Variants in SYNE1 observed in about 807,000 individuals in gnomAD.
The protein encoded by SYNE1 is nesprin-1.
A neutral mutation model predicts 1,111.0 loss-of-function variants in SYNE1; 616 were observed. The ratio of observed to expected loss-of-function variants is 0.55; its 90% CI spans 0.52 to 0.59. The LOEUF is 0.59. Ranked by LOEUF, SYNE1 falls within the 20% of genes least tolerant of loss-of-function variation. The pLI is 0.00. For synonymous variants in SYNE1, 3,855 were observed against 3,825.8 expected, an observed-to-expected ratio of 1.01 and a Z score of -0.28; for missense variants, 10,006 against 10,417.0, an observed-to-expected ratio of 0.96 and a Z score of 1.72.
chr6:152,175,666 C>A (rs561356284), intron 130 of SYNE1, among the ~76,000 whole-genome samples: 1 of 152,200 alleles, frequency 6.6e-6, no homozygotes, highest in Admixed American at 6.5e-5. Context: ...TGCCTAAGTT[C>A]CAACATGAAG....
At chr6:152,153,325 C>G (rs947044741) in intron 133 of SYNE1, among the ~76,000 whole-genome samples, 3 of 152,130 alleles carry the variant, frequency 2.0e-5, no homozygotes, top group African/African-American at 7.2e-5. Context: ...GGTTGGAGTA[C>G]CCCCAGGCAG....
chr6:152,313,831 C>T (rs903755204), intron 87 of SYNE1, among the ~76,000 whole-genome samples: 1 of 152,132 alleles, frequency 6.6e-6, no homozygotes, highest in Non-Finnish European at 1.5e-5. Context: ...CTACAGTCTG[C>T]GTTCTCTCTT....
chr6:152,247,214 T>C (rs2087445334), intron 105 of SYNE1, among the ~76,000 whole-genome samples: 1 of 152,160 alleles, frequency 6.6e-6, no homozygotes, highest in Non-Finnish European at 1.5e-5. Flanking sequence ...GATGACTATA[T>C]TGAGTGAGGT....
At chr6:152,212,109 T>C (rs1364160607) in intron 123 of SYNE1, among the ~76,000 whole-genome samples, 1 of 152,174 alleles carries the variant, frequency 6.6e-6, no homozygotes, top group African/African-American at 2.4e-5. Flanking sequence ...CTACTGTTTT[T>C]TAAACAACTT....
At chr6:152,143,209 G>A (rs927417436) in intron 138 of SYNE1, among the ~76,000 whole-genome samples, 7 of 152,170 alleles carry the variant, frequency 4.6e-5, no homozygotes, top group African/African-American at 1.7e-4. Context: ...AAGGTCATTC[G>A]GTGAACCCAG....
At chr6:152,525,938 A>T in intron 5 of SYNE1, 142 bp downstream of exon 5, 1 of 736,380 alleles carries the variant, frequency 1.4e-6, no homozygotes, top group Non-Finnish European at 2.4e-6. Context: ...TAGAAGTGCC[A>T]GCAGTGTTTC....
intron 131 of SYNE1, among the ~76,000 whole-genome samples, chr6:152,160,055 A>G (rs1197461190): frequency 2.6e-5 from 4 of 151,946 alleles, no homozygotes; most frequent in Admixed American, 6.6e-5. Context: ...TCGCCAAGCT[A>G]GAGTACAGTG....
rs752250301 is a variant in SYNE1, at chr6:152,242,258, T to A, written c.19875A>T (p.Gln6625His). The A allele has an allele frequency of 6.2e-7, 1 of 1,614,118 alleles. No homozygotes were observed. Among genetic ancestry groups the A allele is most frequent in the Non-Finnish European group, 8.5e-7 (1 of 1,180,010 alleles). The change falls in exon 107 of 146, where the codon CAA becomes CAT. Residue 6625 changes from glutamine (Q) to histidine (H), a missense_variant. Physicochemically the swap from Gln to His is conservative, Grantham distance 24. Coordinates refer to ENST00000367255, the MANE Select transcript of SYNE1 (RefSeq NM_182961.4). ...IIVSSKEEIQ[Q>H]LLDKHKEYFQ... ...TATGTACCTTATGTTTGTCAAGTAG[T>A]TGCTGGATTTCCTCTTTGGAAGACA...
chr6:152,370,272 T>C (rs2097157995), intron 59 of SYNE1, among the ~76,000 whole-genome samples: 1 of 152,134 alleles, frequency 6.6e-6, no homozygotes, highest in Non-Finnish European at 1.5e-5. Flanking sequence ...CAGGTGTGCC[T>C]TGTCTCCAGA....
At chr6:152,567,399 T>G (rs1452216762) in intron 3 of SYNE1, among the ~76,000 whole-genome samples, 3 of 152,202 alleles carry the variant, frequency 2.0e-5, no homozygotes, top group Admixed American at 1.3e-4. Flanking sequence ...TATTTTGTTT[T>G]CCTAACCTAC....
chr6:152,541,798 T>C (rs186523745), intron 3 of SYNE1, among the ~76,000 whole-genome samples: 3 of 149,994 alleles, frequency 2.0e-5, no homozygotes, highest in Non-Finnish European at 3.0e-5. Flanking sequence ...TGTACATTGA[T>C]TTTGTATCCT....
chr6:152,581,823 CT>C (rs1174864575), intron 3 of SYNE1, among the ~76,000 whole-genome samples: 5 of 152,154 alleles, frequency 3.3e-5, no homozygotes, highest in African/African-American at 1.2e-4. Flanking sequence ...TAAATGTCCC[CT>C]GCTGATTCTT....
At chr6:152,348,780 C>A (rs942970062) in intron 72 of SYNE1, among the ~76,000 whole-genome samples, 1 of 148,554 alleles carries the variant, frequency 6.7e-6, no homozygotes, top group African/African-American at 2.5e-5. Context: ...ATGCTAATGA[C>A]AAGTGACACA....
At chr6:152,315,762 G>T (rs534990499) in intron 87 of SYNE1, 2 of 152,176 alleles carry the variant, frequency 1.3e-5, no homozygotes, top group South Asian at 2.1e-4. Flanking sequence ...TCATATCTAA[G>T]CATATCTTAA....
chr6:152,417,120 T>C, intron 40 of SYNE1, 105 bp from the exon 41 acceptor site: 5 of 1,511,912 alleles, frequency 3.3e-6, no homozygotes, highest in Non-Finnish European at 4.5e-6. Context: ...GTGCCATGGA[T>C]AGTATAGTAC....
chr6:152,268,323 G>A (rs1365310686), intron 99 of SYNE1, among the ~76,000 whole-genome samples, 158 bp from the exon 100 acceptor site: 1 of 150,906 alleles, frequency 6.6e-6, no homozygotes, highest in African/African-American at 2.4e-5. Context: ...ATTCAAATGT[G>A]TCTCCAAAGT....
chr6:152,445,705 A>G (rs1339423168), intron 29 of SYNE1, among the ~76,000 whole-genome samples: 2 of 151,594 alleles, frequency 1.3e-5, no homozygotes. Flanking sequence ...TATCTTGTGC[A>G]TCCACCCACA....
chr6:152,403,765 G>T (rs1322223492), intron 46 of SYNE1, among the ~76,000 whole-genome samples: 1 of 151,972 alleles, frequency 6.6e-6, no homozygotes, highest in Non-Finnish European at 1.5e-5. Flanking sequence ...CAAAAAAAGA[G>T]GGGGTTCTGT....
intron 128 of SYNE1, among the ~76,000 whole-genome samples, chr6:152,187,133 C>T (rs1422419855): frequency 6.6e-6 from 1 of 152,128 alleles, no homozygotes; most frequent in African/African-American, 2.4e-5. Flanking sequence ...TCATTTTGAA[C>T]TCAAATCATT....
Sources: allele counts gnomAD v4.1 joint callset (sites outside exome capture counted in the v4.1 genomes callset), GRCh38; gene constraint gnomAD v4.1.1; transcripts MANE v1.5; gene names NCBI Gene and HGNC (gene_info 2026-07-23, HGNC 2026-07-21).